The following PRIM2 variants were observed in gnomAD, a reference collection of about 807,000 sequenced individuals.
The protein encoded by PRIM2 is DNA primase subunit 2, also known as DNA primase large subunit.
A neutral mutation model predicts 67.3 loss-of-function variants in PRIM2; 39 were observed. The ratio of observed to expected loss-of-function variants is 0.58; its 90% CI spans 0.45 to 0.76. PRIM2 has a LOEUF of 0.76. Ranked by LOEUF, PRIM2 falls within the 30% of genes least tolerant of loss-of-function variation. The probability of loss-of-function intolerance (pLI) is 0.00; values close to 1 mark genes in which losing one functional copy is unlikely to be tolerated. For synonymous variants in PRIM2, 143 were observed against 198.7 expected, an observed-to-expected ratio of 0.72 and a Z score of 2.36; for missense variants, 398 against 598.7, an observed-to-expected ratio of 0.66 and a Z score of 3.50.
chr6:57,240,501 C>CG, the PRIM2 span, among the ~76,000 whole-genome samples: 9 of 151,992 alleles, frequency 5.9e-5, no homozygotes, highest in African/African-American at 2.2e-4. Flanking sequence ...TGGGAAGCTA[C>CG]GGGGGAAGAT....
chr6:57,460,762 G>A (rs1344703583), intron 7 of PRIM2, among the ~76,000 whole-genome samples: 1 of 152,074 alleles, frequency 6.6e-6, no homozygotes, highest in Non-Finnish European at 1.5e-5. Flanking sequence ...CTTGCTTTTG[G>A]ATTTTCCCTA....
intron 7 of PRIM2, among the ~76,000 whole-genome samples, chr6:57,468,356 C>T (rs1317545324): frequency 2.1e-4 from 32 of 152,096 alleles, no homozygotes; most frequent in Non-Finnish European, 4.1e-4. Context: ...TGAATGTTAT[C>T]GAAAGCCTTT....
At chr6:57,588,652 T>A (rs1213435080) in intron 10 of PRIM2, among the ~76,000 whole-genome samples, 2 of 151,922 alleles carry the variant, frequency 1.3e-5, no homozygotes, top group Non-Finnish European at 2.9e-5. Flanking sequence ...GAGTTAAAAA[T>A]TTCAGGTTTT....
At chr6:57,399,891 T>A (rs557362023) in intron 7 of PRIM2, among the ~76,000 whole-genome samples, 1 of 152,314 alleles carries the variant, frequency 6.6e-6, no homozygotes, top group East Asian at 1.9e-4. Flanking sequence ...TGGGGTTGTT[T>A]GATTTTTTTT....
intron 5 of PRIM2, among the ~76,000 whole-genome samples, chr6:57,327,191 C>T (rs908650538): frequency 1.3e-5 from 2 of 151,996 alleles, no homozygotes; most frequent in African/African-American, 2.4e-5. Flanking sequence ...TGTGAGCCAC[C>T]GTGCCGGGCC....
At chr6:57,498,413 G>A (rs1554346549) in intron 7 of PRIM2, among the ~76,000 whole-genome samples, 47,895 of 151,822 alleles carry the variant, frequency 0.32, 7,552 homozygotes, top group East Asian at 0.45. Context: ...TAAAATAAAC[G>A]TAAATTTGGT....
intron 7 of PRIM2, among the ~76,000 whole-genome samples, chr6:57,429,804 G>T (rs1278738707): frequency 5.3e-5 from 8 of 152,148 alleles, no homozygotes; most frequent in Non-Finnish European, 1.2e-4. Context: ...TATTCTGGTT[G>T]GGCTGCTATA....
chr6:57,291,765 A>T, the PRIM2 span, among the ~76,000 whole-genome samples: 1 of 152,236 alleles, frequency 6.6e-6, no homozygotes, highest in Non-Finnish European at 1.5e-5. Context: ...ATCTCAATAG[A>T]TGCAGAAAAG....
chr6:57,319,212 G>A (rs1392634588), intron 2 of PRIM2, among the ~76,000 whole-genome samples: 1 of 152,194 alleles, frequency 6.6e-6, no homozygotes, highest in Admixed American at 6.5e-5. Context: ...GGCATTTTGT[G>A]CCATGCTAAT....
the PRIM2 span, among the ~76,000 whole-genome samples, chr6:57,241,143 G>T: frequency 2.0e-5 from 3 of 149,720 alleles, no homozygotes; most frequent in African/African-American, 7.4e-5. Flanking sequence ...AGAATGGCGT[G>T]AACCCAGGAG....
At chr6:57,301,362 C>T in the PRIM2 span, among the ~76,000 whole-genome samples, 1 of 152,154 alleles carries the variant, frequency 6.6e-6, no homozygotes, top group African/African-American at 2.4e-5. Flanking sequence ...TGGCCCATGC[C>T]TGTAATCCCA....
At chr6:57,455,842 G>A (rs996156016) in intron 7 of PRIM2, among the ~76,000 whole-genome samples, 1 of 152,152 alleles carries the variant, frequency 6.6e-6, no homozygotes, top group Non-Finnish European at 1.5e-5. Flanking sequence ...ATGTTAGCTG[G>A]TTATTTTGCT....
intron 5 of PRIM2, among the ~76,000 whole-genome samples, chr6:57,338,168 A>C (rs190831672): frequency 0.034 from 5,155 of 152,004 alleles, 283 homozygotes; most frequent in African/African-American, 0.12. Context: ...GAAGAAGTTG[A>C]ATCTCTGAAT....
chr6:57,291,463 T>C, the PRIM2 span, among the ~76,000 whole-genome samples: 5 of 152,060 alleles, frequency 3.3e-5, no homozygotes, highest in East Asian at 1.9e-4. Context: ...TTCCAAACAA[T>C]AGAAAAAGAG....
chr6:57,338,769 G>T (rs1034244700), intron 5 of PRIM2, among the ~76,000 whole-genome samples: 2 of 128,936 alleles, frequency 1.6e-5, no homozygotes, highest in Admixed American at 1.5e-4. Flanking sequence ...GCAAAAACGG[G>T]AAGCATTCCC....
upstream of PRIM2, among the ~76,000 whole-genome samples, chr6:57,311,474 C>A (rs1041909130): frequency 1.3e-5 from 2 of 150,316 alleles, no homozygotes; most frequent in East Asian, 4.0e-4. Flanking sequence ...CCAGACTGGG[C>A]GGCCGGGCAG....
At chr6:57,508,406 A>G (rs1194943070) in intron 8 of PRIM2, among the ~76,000 whole-genome samples, 1 of 152,114 alleles carries the variant, frequency 6.6e-6, no homozygotes, top group Non-Finnish European at 1.5e-5. Flanking sequence ...TTTCTTGTAT[A>G]TCTGTACTAT....
the PRIM2 span, among the ~76,000 whole-genome samples, chr6:57,241,251 A>G: frequency 5.9e-5 from 9 of 151,704 alleles, no homozygotes; most frequent in East Asian, 1.6e-3. Context: ...AAAAAAGAAA[A>G]AAGAAAAATT....
At chr6:57,413,611 G>A (rs1341365055) in intron 7 of PRIM2, among the ~76,000 whole-genome samples, 1 of 152,058 alleles carries the variant, frequency 6.6e-6, no homozygotes, top group Non-Finnish European at 1.5e-5. Flanking sequence ...CATCCAGGGA[G>A]TAAAGATGAA....
Sources: gnomAD v4.1 joint callset for allele counts (sites outside exome capture counted in the v4.1 genomes callset) on GRCh38, gnomAD v4.1.1 for gene constraint, MANE v1.5 for transcripts, NCBI Gene and HGNC (gene_info 2026-07-23, HGNC 2026-07-21) for gene names.